Variants in SLC10A7 observed in about 807,000 individuals in gnomAD.
SLC10A7 encodes solute carrier family 10 member 7.
SLC10A7 carries 29 observed loss-of-function variants against 43.2 expected under a neutral mutation model. That is an observed-to-expected ratio of 0.67 (90% CI 0.50 to 0.92). The LOEUF is 0.92. Among genes scored for constraint, SLC10A7 ranks in the 40% least tolerant of loss-of-function variants. The probability of loss-of-function intolerance (pLI) is 0.00; values close to 1 mark genes in which losing one functional copy is unlikely to be tolerated. For synonymous variants in SLC10A7, 152 were observed against 144.8 expected (o/e 1.05, Z -0.35); for missense variants, 295 against 403.2 (o/e 0.73, Z 2.30).
chr4:146,303,822 A>C (rs1396106426), intron 7 of SLC10A7, among the ~76,000 whole-genome samples: 2 of 151,980 alleles, frequency 1.3e-5, no homozygotes, highest in Non-Finnish European at 2.9e-5. Flanking sequence ...GTTTACAGGC[A>C]TGCATATTTC....
intron 5 of SLC10A7, among the ~76,000 whole-genome samples, chr4:146,411,599 A>G (rs551320273): frequency 6.6e-6 from 1 of 152,160 alleles, no homozygotes; most frequent in Non-Finnish European, 1.5e-5. Context: ...TACAATTAAT[A>G]CTAATGTTTG....
chr4:146,421,654 G>C (rs779372041), intron 5 of SLC10A7, among the ~76,000 whole-genome samples: 1 of 151,972 alleles, frequency 6.6e-6, no homozygotes, highest in African/African-American at 2.4e-5. Flanking sequence ...GCCTGCAACT[G>C]ACCATTCATT....
chr4:146,414,451 C>T (rs1294552380), intron 5 of SLC10A7, among the ~76,000 whole-genome samples: 2 of 152,030 alleles, frequency 1.3e-5, no homozygotes, highest in Non-Finnish European at 2.9e-5. Flanking sequence ...ATGCCAGGCA[C>T]GGTGGCTCAC....
chr4:146,272,709 T>C (rs7682719), intron 10 of SLC10A7, among the ~76,000 whole-genome samples: 120,919 of 152,166 alleles, frequency 0.79, 49,054 homozygotes, highest in African/African-American at 0.95. Flanking sequence ...ATACAAACTT[T>C]AAGTGGATGG....
intron 5 of SLC10A7, among the ~76,000 whole-genome samples, chr4:146,362,234 C>T (rs958171887): frequency 1.3e-5 from 2 of 151,734 alleles, no homozygotes; most frequent in Non-Finnish European, 2.9e-5. Flanking sequence ...TATTAATATC[C>T]AGGTAGAAGA....
At chr4:146,312,112 A>T (rs1732021827) in intron 6 of SLC10A7, among the ~76,000 whole-genome samples, 1 of 152,156 alleles carries the variant, frequency 6.6e-6, no homozygotes, top group South Asian at 2.1e-4. Flanking sequence ...ATTGTGTGGA[A>T]AGTATATGTT....
At chr4:146,308,630 A>G (rs1731749134) in intron 6 of SLC10A7, among the ~76,000 whole-genome samples, 1 of 152,112 alleles carries the variant, frequency 6.6e-6, no homozygotes, top group South Asian at 2.1e-4. Context: ...TTTGCAGGTG[A>G]AGTTTCCAGG....
intron 3 of SLC10A7, among the ~76,000 whole-genome samples, chr4:146,505,103 G>C (rs985680218): frequency 1.3e-5 from 2 of 152,236 alleles, no homozygotes; most frequent in Admixed American, 6.5e-5. Flanking sequence ...TTTTGAATGG[G>C]TATGATTAAA....
intron 4 of SLC10A7, among the ~76,000 whole-genome samples, chr4:146,468,315 G>C (rs908330883): frequency 6.6e-6 from 1 of 151,996 alleles, no homozygotes; most frequent in African/African-American, 2.4e-5. Context: ...TCAATGACTT[G>C]CCAAATCAGA....
chr4:146,282,771 A>G (rs182542167), intron 10 of SLC10A7, among the ~76,000 whole-genome samples: 1 of 152,294 alleles, frequency 6.6e-6, no homozygotes, highest in African/African-American at 2.4e-5. Context: ...ATCAAATTAG[A>G]GTAATAACAT....
In SLC10A7 at chr4:146,256,353, C is replaced by T. The variant is rs1727885549; in HGVS notation, c.*138G>A. 2.5e-6 allele frequency: 2 copies of T among 792,042 alleles called. No individual in the cohort carries two copies. The highest frequency in any genetic ancestry group is 1.7e-5 in the African/African-American group (1 of 57,176). 49.1% of individuals were successfully genotyped at this position (792,042 alleles called of 1,614,324 possible). A position where few individuals can be genotyped will look rare whatever the true frequency, so the allele number is the denominator to read the frequency against. On this transcript the variant is annotated 3_prime_UTR_variant, in exon 12 of 12. Coordinates refer to ENST00000335472, the MANE Select transcript of SLC10A7 (RefSeq NM_001029998.6). ...CTCTTGTCAAATACATTTTAAGGCA[C>T]TTAAACAGGATCTCATATTTTTGTG...
intron 5 of SLC10A7, among the ~76,000 whole-genome samples, chr4:146,360,551 C>T (rs2149762452): frequency 6.6e-6 from 1 of 152,230 alleles, no homozygotes; most frequent in Admixed American, 6.5e-5. Context: ...AAATATCCTA[C>T]TGCCTCAGCC....
At chr4:146,342,154 T>C (rs190062584) in intron 5 of SLC10A7, among the ~76,000 whole-genome samples, 168 of 151,954 alleles carry the variant, frequency 1.1e-3, no homozygotes, top group African/African-American at 3.9e-3. Context: ...TAGCTTTATC[T>C]TTTCCCACTT....
chr4:146,311,146 T>C (rs891138168), intron 6 of SLC10A7, among the ~76,000 whole-genome samples: 5 of 152,102 alleles, frequency 3.3e-5, no homozygotes, highest in Non-Finnish European at 7.4e-5. Flanking sequence ...ATTCTCTAAC[T>C]GGGCAGAGAG....
chr4:146,507,867 G>A (rs991812791), intron 3 of SLC10A7, among the ~76,000 whole-genome samples: 2 of 152,220 alleles, frequency 1.3e-5, no homozygotes, highest in Non-Finnish European at 1.5e-5. Flanking sequence ...GCCAGGAAGA[G>A]CTTTCTCTAA....
intron 4 of SLC10A7, among the ~76,000 whole-genome samples, chr4:146,471,706 G>A (rs1733587610): frequency 6.6e-6 from 1 of 152,102 alleles, no homozygotes; most frequent in Non-Finnish European, 1.5e-5. Flanking sequence ...TTATTTATAT[G>A]CTTTATCTTT....
At chr4:146,479,013 C>A (rs1260692728) in intron 4 of SLC10A7, among the ~76,000 whole-genome samples, 1 of 152,080 alleles carries the variant, frequency 6.6e-6, no homozygotes, top group East Asian at 1.9e-4. Context: ...ATTTGTTATA[C>A]AAATAGAATA....
At chr4:146,374,436 G>T (rs1235799112) in intron 5 of SLC10A7, among the ~76,000 whole-genome samples, 1 of 151,744 alleles carries the variant, frequency 6.6e-6, no homozygotes, top group Non-Finnish European at 1.5e-5. Context: ...TAAAAATACA[G>T]AAACTAGCTG....
intron 11 of SLC10A7, 93 bp downstream of exon 11, chr4:146,258,599 T>G: frequency 8.0e-7 from 1 of 1,253,114 alleles, no homozygotes; most frequent in South Asian, 1.7e-5. Flanking sequence ...AACAAAGATA[T>G]GCAAGCAAAA....
Sources: allele counts gnomAD v4.1 joint callset (sites outside exome capture counted in the v4.1 genomes callset), GRCh38; gene constraint gnomAD v4.1.1; transcripts MANE v1.5; gene names NCBI Gene and HGNC (gene_info 2026-07-23, HGNC 2026-07-21).